VCF1: variants seen among roughly 807,000 people sequenced by gnomAD.
The protein encoded by VCF1 is VCP nuclear cofactor family member 1, also known as protein VCF1.
the VCF1 span, among the ~76,000 whole-genome samples, chr17:73,222,302 T>C: frequency 1.3e-5 from 2 of 151,570 alleles, no homozygotes; most frequent in Non-Finnish European, 2.9e-5. Flanking sequence ...AAATTCAAAG[T>C]CTTCAATTCA....
chr17:73,208,075 T>C, the VCF1 span: 1 of 1,413,994 alleles, frequency 7.1e-7, no homozygotes, highest in Non-Finnish European at 9.2e-7. Context: ...GAAGTGCCTG[T>C]GTCTACCCTT....
At chr17:73,220,324 T>C in the VCF1 span, among the ~76,000 whole-genome samples, 2 of 152,246 alleles carry the variant, frequency 1.3e-5, no homozygotes, top group African/African-American at 4.8e-5. Flanking sequence ...TATTCTTTTT[T>C]AATTTCTCAC....
the VCF1 span, among the ~76,000 whole-genome samples, chr17:73,223,568 G>A: frequency 6.6e-6 from 1 of 151,886 alleles, no homozygotes; most frequent in African/African-American, 2.4e-5. Context: ...CCTAGTACTC[G>A]CCATTATTAT....
At chr17:73,226,681 C>T in the VCF1 span, among the ~76,000 whole-genome samples, 1 of 152,218 alleles carries the variant, frequency 6.6e-6, no homozygotes, top group Non-Finnish European at 1.5e-5. Context: ...CCTTCCCTCT[C>T]ACCACAGGAG....
the VCF1 span, chr17:73,232,157 A>T: frequency 6.2e-7 from 1 of 1,610,156 alleles, no homozygotes; most frequent in Non-Finnish European, 8.5e-7. Flanking sequence ...GAAGAGAGGG[A>T]ACAGAGGGGG....
chr17:73,229,497 G>A, the VCF1 span: 1 of 985,362 alleles, frequency 1.0e-6, no homozygotes, highest in Non-Finnish European at 1.2e-6. Context: ...ACAGATGGTT[G>A]ATTCCATCAC....
At chr17:73,207,554 C>A in the VCF1 span, 1 of 645,608 alleles carries the variant, frequency 1.5e-6, no homozygotes, top group Non-Finnish European at 2.5e-6. Flanking sequence ...AACTGCCAAC[C>A]CGGCACTATC....
chr17:73,212,766 T>A, the VCF1 span: 1 of 1,541,682 alleles, frequency 6.5e-7, no homozygotes, highest in Non-Finnish European at 8.8e-7. Flanking sequence ...AGAACTACAA[T>A]CAGTTTCTAG....
chr17:73,224,994 G>GCACA, the VCF1 span, among the ~76,000 whole-genome samples: 7,460 of 147,396 alleles, frequency 0.051, 362 homozygotes, highest in Non-Finnish European at 0.069. Flanking sequence ...GCACAGCACA[G>GCACA]GACAGGACAG....
chr17:73,207,365 T>G, the VCF1 span: 1 of 1,000,850 alleles, frequency 1.0e-6, no homozygotes, highest in Admixed American at 2.0e-5. Flanking sequence ...AATGACAAAA[T>G]GCACTAATGC....
the VCF1 span, among the ~76,000 whole-genome samples, chr17:73,218,100 G>A: frequency 1.3e-5 from 2 of 152,144 alleles, no homozygotes; most frequent in African/African-American, 4.8e-5. Context: ...CTTACCCATA[G>A]TATATACTCC....
chr17:73,227,389 T>A, the VCF1 span: 1 of 785,492 alleles, frequency 1.3e-6, no homozygotes, highest in Non-Finnish European at 1.9e-6. Flanking sequence ...ATTCAGCATA[T>A]GATATCCCAA....
At chr17:73,232,350 C>T in the VCF1 span, 1 of 1,516,652 alleles carries the variant, frequency 6.6e-7, no homozygotes, top group Middle Eastern at 2.0e-4. Context: ...TGCGCAGTGG[C>T]ACCATCCCAA....
the VCF1 span, among the ~76,000 whole-genome samples, chr17:73,211,470 G>A: frequency 2.0e-5 from 3 of 151,990 alleles, no homozygotes; most frequent in East Asian, 1.9e-4. Flanking sequence ...TAGGGAGGCC[G>A]AGGCAGGAGA....
At chr17:73,225,881 T>A in the VCF1 span, among the ~76,000 whole-genome samples, 16,944 of 64,710 alleles carry the variant, frequency 0.26, 924 homozygotes, top group Non-Finnish European at 0.31. Flanking sequence ...TATATATATA[T>A]AATATATATA....
At chr17:73,225,030 G>GACCACACAGC in the VCF1 span, among the ~76,000 whole-genome samples, 3 of 125,174 alleles carry the variant, frequency 2.4e-5, no homozygotes, top group Non-Finnish European at 3.3e-5. Flanking sequence ...GACAGGACAG[G>GACCACACAGC]ACAGCACAGG....
chr17:73,222,182 A>C, the VCF1 span, among the ~76,000 whole-genome samples: 2 of 146,870 alleles, frequency 1.4e-5, no homozygotes, highest in South Asian at 4.4e-4. Flanking sequence ...TAGGCAACTG[A>C]GCAAGACCCT....
At chr17:73,232,190 C>G in the VCF1 span, 1 of 1,609,660 alleles carries the variant, frequency 6.2e-7, no homozygotes, top group East Asian at 2.2e-5. Flanking sequence ...GGCCGCCACG[C>G]CCACCCCCTC....
At chr17:73,224,960 G>GC in the VCF1 span, among the ~76,000 whole-genome samples, 6 of 47,304 alleles carry the variant, frequency 1.3e-4, no homozygotes, top group South Asian at 2.1e-3. Flanking sequence ...CACAGGACAG[G>GC]ACAGCACAGC....
Sources: gnomAD v4.1 joint callset for allele counts (sites outside exome capture counted in the v4.1 genomes callset) on GRCh38, gnomAD v4.1.1 for gene constraint, MANE v1.5 for transcripts, NCBI Gene and HGNC (gene_info 2026-07-23, HGNC 2026-07-21) for gene names.